LRRC7: variants seen among roughly 807,000 people sequenced by gnomAD.
LRRC7 encodes the protein leucine rich repeat containing 7.
In LRRC7, 23 loss-of-function variants were observed where a neutral mutation model predicts 175.7. That is an observed-to-expected ratio of 0.13 (90% confidence interval 0.09 to 0.19). The LOEUF (loss-of-function observed/expected upper bound fraction) is 0.19. LRRC7 is among the 10% of genes least tolerant of loss of function. The pLI is 1.00. For synonymous variants in LRRC7, 685 were observed against 680.9 expected (o/e 1.01, Z -0.09); for missense variants, 1,354 against 1,904.7 (o/e 0.71, Z 5.38).
At chr1:69,673,134 G>A (rs1487585744) in intron 1 of LRRC7, among the ~76,000 whole-genome samples, 4 of 152,062 alleles carry the variant, frequency 2.6e-5, no homozygotes, top group Non-Finnish European at 5.9e-5. Context: ...TACACAGCTG[G>A]CTGGCTACTT....
chr1:70,067,225 A>T (rs941977193), intron 23 of LRRC7, among the ~76,000 whole-genome samples: 1 of 151,434 alleles, frequency 6.6e-6, no homozygotes, highest in Non-Finnish European at 1.5e-5. Context: ...ATTTTCTCCA[A>T]CTCTGTAGCT....
At chr1:70,018,629 C>A in intron 14 of LRRC7, 90 bp from the exon 15 acceptor site, 2 of 686,656 alleles carry the variant, frequency 2.9e-6, no homozygotes, top group Non-Finnish European at 4.7e-6. Flanking sequence ...CTTTTTCCCC[C>A]CAATGTTTAT....
intron 7 of LRRC7, among the ~76,000 whole-genome samples, chr1:69,906,922 C>T (rs145657995): frequency 0.024 from 3,677 of 152,120 alleles, 156 homozygotes; most frequent in African/African-American, 0.084. Flanking sequence ...TGTTTGTATC[C>T]TCTTTTATTT....
chr1:70,010,789 G>C (rs556457919), intron 11 of LRRC7, among the ~76,000 whole-genome samples: 2 of 152,054 alleles, frequency 1.3e-5, no homozygotes, highest in South Asian at 4.1e-4. Context: ...TTTTTTCCCA[G>C]CTATCTCAAA....
intron 2 of LRRC7, among the ~76,000 whole-genome samples, chr1:69,746,229 A>G (rs751221869): frequency 6.6e-6 from 1 of 152,020 alleles, no homozygotes; most frequent in Non-Finnish European, 1.5e-5. Flanking sequence ...TGAATGGGAT[A>G]CACCCATTCA....
At chr1:69,977,299 A>T (rs1652916861) in intron 8 of LRRC7, among the ~76,000 whole-genome samples, 2 of 152,184 alleles carry the variant, frequency 1.3e-5, no homozygotes, top group African/African-American at 2.4e-5. Context: ...CCAATCTGCC[A>T]AAATCACTTC....
intron 1 of LRRC7, among the ~76,000 whole-genome samples, chr1:69,625,671 A>G (rs1338692100): frequency 6.6e-6 from 1 of 152,080 alleles, no homozygotes; most frequent in East Asian, 1.9e-4. Flanking sequence ...TATAGCTACA[A>G]AATTCCCACA....
intron 1 of LRRC7, among the ~76,000 whole-genome samples, chr1:69,572,813 G>A (rs749865755): frequency 3.3e-5 from 5 of 152,060 alleles, no homozygotes; most frequent in Non-Finnish European, 5.9e-5. Flanking sequence ...AATTTTAGAA[G>A]AGTGAAGTAT....
chr1:69,921,273 T>C (rs1374599443), intron 7 of LRRC7, among the ~76,000 whole-genome samples: 1 of 152,044 alleles, frequency 6.6e-6, no homozygotes, highest in Non-Finnish European at 1.5e-5. Context: ...GTAGATAAGA[T>C]TTTATTCCTC....
At chr1:69,760,481 G>T (rs975877480) in intron 3 of LRRC7, 88 bp downstream of exon 3, 1 of 1,102,502 alleles carries the variant, frequency 9.1e-7, no homozygotes, top group Non-Finnish European at 1.3e-6. Context: ...TGAACTATGG[G>T]CTCCTATCTA....
chr1:69,788,613 G>C (rs1674766105), intron 3 of LRRC7, among the ~76,000 whole-genome samples: 1 of 152,132 alleles, frequency 6.6e-6, no homozygotes, highest in African/African-American at 2.4e-5. Context: ...TTTGAGTTGA[G>C]ATTATCTTTA....
chr1:70,144,171 T>C lies in LRRC7; in HGVS notation c.*22284T>C, dbSNP rs1464665581. 1 of 152,220 alleles carries C rather than the reference T, an allele frequency of 6.6e-6. No individual in the cohort carries two copies. Among genetic ancestry groups the C allele is most frequent in the African/African-American group, 2.4e-5 (1 of 41,460 alleles). The allele number at this position is 152,220 out of a possible 1,614,324, so 9.4% of individuals were successfully genotyped here. ...GACACTAATTGGTAAAGGTGTACAA[T>C]GTGATTAGAATGCATTTTGAAGATG... On this transcript the variant is annotated 3_prime_UTR_variant, in exon 27 of 27. Transcript: ENST00000651989.
intron 2 of LRRC7, among the ~76,000 whole-genome samples, chr1:69,723,541 A>T (rs1666598339): frequency 6.6e-6 from 1 of 152,158 alleles, no homozygotes; most frequent in Non-Finnish European, 1.5e-5. Context: ...TTAATAAGAG[A>T]ATTTGGAAAT....
intron 3 of LRRC7, among the ~76,000 whole-genome samples, chr1:69,785,723 T>G (rs1443756910): frequency 6.6e-6 from 1 of 152,162 alleles, no homozygotes; most frequent in African/African-American, 2.4e-5. Context: ...ATATTTAACT[T>G]TGATCTAAAG....
intron 10 of LRRC7, among the ~76,000 whole-genome samples, chr1:69,993,297 T>G (rs1157921685): frequency 1.3e-5 from 2 of 152,152 alleles, no homozygotes; most frequent in African/African-American, 4.8e-5. Context: ...CTCATAACAG[T>G]CTGATAGTGA....
chr1:69,676,418 A>T (rs1659781235), intron 1 of LRRC7, among the ~76,000 whole-genome samples: 1 of 152,088 alleles, frequency 6.6e-6, no homozygotes, highest in Non-Finnish European at 1.5e-5. Context: ...TCATGTTTAT[A>T]TTTTCAAAAT....
At chr1:70,002,629 T>C (rs529865498) in intron 11 of LRRC7, among the ~76,000 whole-genome samples, 2 of 152,272 alleles carry the variant, frequency 1.3e-5, no homozygotes, top group African/African-American at 4.8e-5. Context: ...TTGCAAGCCT[T>C]GGAACTAGAC....
intron 8 of LRRC7, among the ~76,000 whole-genome samples, chr1:69,946,238 A>G (rs1649296890): frequency 6.6e-6 from 1 of 152,098 alleles, no homozygotes; most frequent in Non-Finnish European, 1.5e-5. Context: ...TGATCAGATT[A>G]TTTTTATCCT....
At chr1:70,065,498 T>G (rs1661901984) in intron 23 of LRRC7, among the ~76,000 whole-genome samples, 2 of 152,002 alleles carry the variant, frequency 1.3e-5, no homozygotes, top group Admixed American at 1.3e-4. Flanking sequence ...GATAAAAATC[T>G]ATGTGAATTA....
Sources: allele counts gnomAD v4.1 joint callset (sites outside exome capture counted in the v4.1 genomes callset), GRCh38; gene constraint gnomAD v4.1.1; transcripts MANE v1.5; gene names NCBI Gene and HGNC (gene_info 2026-07-23, HGNC 2026-07-21).